The following PXDNL variants were observed in gnomAD, a reference collection of about 807,000 sequenced individuals.
The protein encoded by PXDNL is probable oxidoreductase PXDNL.
PXDNL carries 145 observed loss-of-function variants against 150.8 expected under a neutral mutation model. The observed-to-expected ratio is 0.96, with a 90% CI of 0.84 to 1.10. The LOEUF (loss-of-function observed/expected upper bound fraction) is 1.10, where lower values mean the gene tolerates loss of function less well. Among genes scored for constraint, PXDNL ranks in the 50% least tolerant of loss-of-function variants. PXDNL has a pLI of 0.00. For missense variants in PXDNL, 2,087 were observed against 1,873.9 expected (o/e 1.11, Z -2.10); for synonymous variants, 757 against 725.7 (o/e 1.04, Z -0.69).
chr8:51,376,504 T>C (rs1263794705), intron 17 of PXDNL, among the ~76,000 whole-genome samples: 1 of 152,208 alleles, frequency 6.6e-6, no homozygotes, highest in African/African-American at 2.4e-5. Flanking sequence ...ATTTTTCCTC[T>C]GAAATGTTTT....
chr8:51,598,925 G>T (rs922861605), intron 2 of PXDNL, among the ~76,000 whole-genome samples: 2 of 152,010 alleles, frequency 1.3e-5, no homozygotes, highest in African/African-American at 4.8e-5. Context: ...GTTGATATTG[G>T]CCCATCCAGT....
intron 8 of PXDNL, among the ~76,000 whole-genome samples, chr8:51,470,758 G>A (rs1810309296): frequency 6.6e-6 from 1 of 152,040 alleles, no homozygotes; most frequent in African/African-American, 2.4e-5. Flanking sequence ...TTAATAAATG[G>A]TATTGGGAAA....
intron 17 of PXDNL, among the ~76,000 whole-genome samples, chr8:51,394,334 C>G (rs957040243): frequency 2.0e-5 from 3 of 152,032 alleles, no homozygotes. Context: ...ATCCATAAAA[C>G]CTAAGAGGTT....
intron 12 of PXDNL, among the ~76,000 whole-genome samples, chr8:51,434,352 C>A (rs1393764842): frequency 6.6e-6 from 1 of 152,318 alleles, no homozygotes; most frequent in South Asian, 2.1e-4. Context: ...TATCCCCTGA[C>A]CTCTCTTTTT....
chr8:51,532,883 C>A (rs1190271186), intron 4 of PXDNL, among the ~76,000 whole-genome samples: 3 of 151,724 alleles, frequency 2.0e-5, no homozygotes, highest in African/African-American at 7.2e-5. Flanking sequence ...ATGCCTATAC[C>A]CAAACATCTT....
chr8:51,692,024 G>A (rs971654581), intron 1 of PXDNL, among the ~76,000 whole-genome samples: 2 of 152,268 alleles, frequency 1.3e-5, no homozygotes, highest in Middle Eastern at 3.4e-3. Flanking sequence ...AAGTAGACTC[G>A]TGCTGTTGCA....
At chr8:51,751,678 A>C (rs2037046824) in intron 1 of PXDNL, among the ~76,000 whole-genome samples, 1 of 152,224 alleles carries the variant, frequency 6.6e-6, no homozygotes, top group Non-Finnish European at 1.5e-5. Flanking sequence ...CACAGTGAAC[A>C]AACTATAAGA....
intron 4 of PXDNL, among the ~76,000 whole-genome samples, chr8:51,547,212 C>T (rs1177776086): frequency 6.6e-6 from 1 of 152,106 alleles, no homozygotes; most frequent in Non-Finnish European, 1.5e-5. Flanking sequence ...TAGAAAGTAC[C>T]ACCTCCTGGC....
At chr8:51,662,331 A>T (rs1033856955) in intron 1 of PXDNL, among the ~76,000 whole-genome samples, 1 of 151,924 alleles carries the variant, frequency 6.6e-6, no homozygotes, top group Admixed American at 6.6e-5. Context: ...CAGCCTGGCC[A>T]ATATGGTGAA....
intron 19 of PXDNL, among the ~76,000 whole-genome samples, chr8:51,346,225 A>T (rs976524484): frequency 3.3e-5 from 5 of 152,206 alleles, no homozygotes; most frequent in Admixed American, 6.5e-5. Flanking sequence ...AGTGATGCTG[A>T]ATCTTACTTA....
intron 21 of PXDNL, among the ~76,000 whole-genome samples, chr8:51,328,718 A>C (rs1364364505): frequency 6.6e-6 from 1 of 152,202 alleles, no homozygotes; most frequent in East Asian, 1.9e-4. Context: ...GAGCATGACA[A>C]ACTACTAGGT....
intron 4 of PXDNL, among the ~76,000 whole-genome samples, chr8:51,554,359 T>C (rs1389563929): frequency 6.6e-6 from 1 of 152,184 alleles, no homozygotes; most frequent in African/African-American, 2.4e-5. Context: ...GAATTGGGTG[T>C]CATTCTCCCA....
intron 5 of PXDNL, among the ~76,000 whole-genome samples, chr8:51,484,913 G>A (rs994474207): frequency 1.3e-5 from 2 of 152,204 alleles, no homozygotes; most frequent in African/African-American, 4.8e-5. Context: ...TATGTGTGAA[G>A]AGAGAAAACA....
At chr8:51,568,318 C>T (rs1248764893) in intron 3 of PXDNL, among the ~76,000 whole-genome samples, 1 of 151,768 alleles carries the variant, frequency 6.6e-6, no homozygotes, top group African/African-American at 2.4e-5. Context: ...CAAATTTCCT[C>T]AATTCTTATT....
At chr8:51,768,142 C>CAA (rs1678124949) in intron 1 of PXDNL, among the ~76,000 whole-genome samples, 1 of 152,164 alleles carries the variant, frequency 6.6e-6, no homozygotes, top group Admixed American at 6.5e-5. Context: ...GAACAAAGCT[C>CAA]ACGATTCTTA....
chr8:51,406,034 A>G (rs1808426713), intron 17 of PXDNL, among the ~76,000 whole-genome samples: 1 of 152,232 alleles, frequency 6.6e-6, no homozygotes, highest in African/African-American at 2.4e-5. Context: ...AAGGCCACTC[A>G]TACTTCACAT....
intron 1 of PXDNL, among the ~76,000 whole-genome samples, chr8:51,804,636 G>C (rs2037656852): frequency 6.6e-6 from 1 of 152,092 alleles, no homozygotes; most frequent in Non-Finnish European, 1.5e-5. Context: ...TGCTGCCTCA[G>C]GTTGCGGCTA....
intron 3 of PXDNL, among the ~76,000 whole-genome samples, chr8:51,592,012 A>G (rs1426210302): frequency 6.6e-6 from 1 of 152,238 alleles, no homozygotes; most frequent in Admixed American, 6.5e-5. Context: ...AGCCTCCAAC[A>G]TAACCATATC....
At chr8:51,648,155 A>T (rs1364086932) in intron 2 of PXDNL, among the ~76,000 whole-genome samples, 4 of 152,150 alleles carry the variant, frequency 2.6e-5, no homozygotes, top group Non-Finnish European at 5.9e-5. Context: ...TATTACTACC[A>T]CCGCCAATCA....
Sources: gnomAD v4.1 joint callset for allele counts (sites outside exome capture counted in the v4.1 genomes callset) on GRCh38, gnomAD v4.1.1 for gene constraint, MANE v1.5 for transcripts, NCBI Gene and HGNC (gene_info 2026-07-23, HGNC 2026-07-21) for gene names.